GUCY1A2: variants seen among roughly 807,000 people sequenced by gnomAD.
GUCY1A2 encodes guanylate cyclase 1 soluble subunit alpha 2.
Under a neutral mutation model 63.5 loss-of-function variants are expected in GUCY1A2, and 27 were observed. That is an observed-to-expected ratio of 0.43 (90% CI 0.31 to 0.59). The LOEUF (loss-of-function observed/expected upper bound fraction) is 0.59, where lower values mean the gene tolerates loss of function less well. Among genes scored for constraint, GUCY1A2 ranks in the 20% least tolerant of loss-of-function variants. The pLI is 0.11. For synonymous variants in GUCY1A2, 364 were observed against 343.5 expected, an observed-to-expected ratio of 1.06 and a Z score of -0.66; for missense variants, 768 against 913.3, an observed-to-expected ratio of 0.84 and a Z score of 2.05.
chr11:107,011,705 T>C (rs1861748694), intron 1 of GUCY1A2, among the ~76,000 whole-genome samples: 1 of 148,460 alleles, frequency 6.7e-6, no homozygotes, highest in African/African-American at 2.5e-5. Flanking sequence ...TCATTTCTCA[T>C]TGACAAAATG....
intron 6 of GUCY1A2, among the ~76,000 whole-genome samples, chr11:106,756,114 T>C (rs980071563): frequency 2.0e-5 from 3 of 152,194 alleles, no homozygotes; most frequent in Admixed American, 2.0e-4. Context: ...GCCTTCTTTG[T>C]CTCTTTTGAT....
chr11:106,734,278 TGAGA>T (rs1863552502), intron 6 of GUCY1A2, among the ~76,000 whole-genome samples: 1 of 152,034 alleles, frequency 6.6e-6, no homozygotes, highest in Non-Finnish European at 1.5e-5. Flanking sequence ...TCTCTCTACT[TGAGA>T]GAGAACAGAA....
intron 7 of GUCY1A2, among the ~76,000 whole-genome samples, chr11:106,693,002 T>C (rs2135337158): frequency 6.6e-6 from 1 of 152,294 alleles, no homozygotes; most frequent in Admixed American, 6.5e-5. Flanking sequence ...ATCTTTTGTT[T>C]GTTTCAACAA....
At chr11:106,918,681 T>A (rs1860400652) in intron 4 of GUCY1A2, among the ~76,000 whole-genome samples, 1 of 145,658 alleles carries the variant, frequency 6.9e-6, no homozygotes, top group Non-Finnish European at 1.5e-5. Flanking sequence ...TTAGATCACT[T>A]ACCCAGGCAA....
intron 5 of GUCY1A2, among the ~76,000 whole-genome samples, chr11:106,789,066 C>T (rs1253005011): frequency 6.6e-6 from 1 of 151,998 alleles, no homozygotes; most frequent in Non-Finnish European, 1.5e-5. Context: ...GTGTCTTCTT[C>T]AAAACATGAA....
At chr11:106,822,412 A>G (rs1029005978) in intron 4 of GUCY1A2, among the ~76,000 whole-genome samples, 1 of 152,090 alleles carries the variant, frequency 6.6e-6, no homozygotes, top group Non-Finnish European at 1.5e-5. Context: ...GGTTTGTTAC[A>G]TGGGTAAATT....
chr11:106,959,615 G>C (rs992801219), intron 3 of GUCY1A2, among the ~76,000 whole-genome samples: 1 of 152,210 alleles, frequency 6.6e-6, no homozygotes, highest in African/African-American at 2.4e-5. Context: ...CTCCGCAAGG[G>C]AAGCTGCTTT....
intron 6 of GUCY1A2, among the ~76,000 whole-genome samples, chr11:106,759,519 AT>A (rs1864028865): frequency 6.6e-6 from 1 of 152,238 alleles, no homozygotes; most frequent in African/African-American, 2.4e-5. Context: ...GTATCTCAGA[AT>A]TTAACATTAA....
intron 6 of GUCY1A2, among the ~76,000 whole-genome samples, chr11:106,771,644 C>A (rs1864258038): frequency 6.6e-6 from 1 of 151,818 alleles, no homozygotes; most frequent in South Asian, 2.1e-4. Context: ...CCCAGCTACT[C>A]CAGAGACTGA....
intron 5 of GUCY1A2, among the ~76,000 whole-genome samples, chr11:106,796,045 C>T (rs1304475000): frequency 9.3e-5 from 14 of 151,312 alleles, no homozygotes; most frequent in Admixed American, 2.6e-4. Context: ...TTGAATTGAT[C>T]CCTTTACCAT....
intron 6 of GUCY1A2, among the ~76,000 whole-genome samples, chr11:106,758,575 T>C (rs1369126998): frequency 6.6e-6 from 1 of 152,222 alleles, no homozygotes; most frequent in African/African-American, 2.4e-5. Context: ...ATCATCCATC[T>C]TCTGCATTGA....
At position 106,680,485 on chromosome 11, in the gene GUCY1A2, A is replaced by G. The variant is rs957119530; in HGVS notation, c.*7064T>C. On this transcript the variant is annotated 3_prime_UTR_variant, in exon 8 of 8. Coordinates refer to ENST00000526355, the MANE Select transcript of GUCY1A2 (RefSeq NM_000855.3). ...GGTTTTTCTTTTCTGCTTTTAAATAATAAGCAACAATACTTAAGTCTAATA... is the reference window on the plus strand; with the variant it reads ...GGTTTTTCTTTTCTGCTTTTAAATAGTAAGCAACAATACTTAAGTCTAATA... The G allele has an allele frequency of 2.5e-5, 5 of 201,926 alleles. No individual in the cohort carries two copies. Among genetic ancestry groups the G allele is most frequent in the African/African-American group, 1.1e-4 (5 of 43,598 alleles). 12.5% of individuals were successfully genotyped at this position (201,926 alleles called of 1,614,324 possible). A position where few individuals can be genotyped will look rare whatever the true frequency, so the allele number is the denominator to read the frequency against.
intron 6 of GUCY1A2, among the ~76,000 whole-genome samples, chr11:106,716,083 G>GT (rs1488014882): frequency 2.1e-4 from 32 of 152,270 alleles, no homozygotes; most frequent in South Asian, 1.2e-3. Context: ...GAACATCCAG[G>GT]TAAAGTGAAA....
Position 106,902,800 on chromosome 11 carries a change from GATTAT to G in GUCY1A2, c.1206+36655_1206+36659del, listed in dbSNP as rs1380051483. On this transcript the variant is annotated intron_variant, in intron 4 of 7. Coordinates refer to ENST00000526355, the MANE Select transcript of GUCY1A2 (RefSeq NM_000855.3). ...AATACAACTATTTCCGTAGCATTTA[GATTAT>G]ATTAGATATTATAAATAATCTAGAA... Among the ~76,000 whole-genome samples the G allele has an allele frequency of 2.0e-5, 3 of 152,098 alleles. No homozygotes were observed. In the South Asian group the frequency reaches 6.2e-4, roughly 31 times the overall value.
chr11:106,731,821 C>T (rs183798267), intron 6 of GUCY1A2, among the ~76,000 whole-genome samples: 18 of 152,166 alleles, frequency 1.2e-4, no homozygotes, highest in African/African-American at 4.3e-4. Flanking sequence ...AAACTACCTA[C>T]TTAGGAATAC....
intron 7 of GUCY1A2, among the ~76,000 whole-genome samples, chr11:106,706,552 T>G (rs1436830546): frequency 6.6e-6 from 1 of 151,890 alleles, no homozygotes; most frequent in African/African-American, 2.4e-5. Context: ...AGAGTTTTTT[T>G]TTTTTTTAAT....
At chr11:106,741,851 T>G (rs1280754700) in intron 6 of GUCY1A2, among the ~76,000 whole-genome samples, 2 of 152,222 alleles carry the variant, frequency 1.3e-5, no homozygotes, top group African/African-American at 4.8e-5. Flanking sequence ...TCAAGTGCAC[T>G]GAATCCTTTT....
intron 1 of GUCY1A2, among the ~76,000 whole-genome samples, chr11:107,014,325 G>C (rs550509992): frequency 6.6e-6 from 1 of 151,992 alleles, no homozygotes. Flanking sequence ...TTGACCTAGT[G>C]ATCTGCCTGC....
chr11:106,683,211 G>A lies in GUCY1A2; in HGVS notation c.*4338C>T. 4.6e-6 allele frequency: 1 copy of A among 215,070 alleles called. No individual in the cohort carries two copies. 13.3% of individuals were successfully genotyped at this position (215,070 alleles called of 1,614,324 possible). ...TATCTATTATTAAGCTATGATTATA[G>A]AAGCCTCTGAAATGACATAATTTTT... On this transcript the variant is annotated 3_prime_UTR_variant, in exon 8 of 8. Coordinates refer to ENST00000526355, the MANE Select transcript of GUCY1A2 (RefSeq NM_000855.3).
Sources: gnomAD v4.1 joint callset for allele counts (sites outside exome capture counted in the v4.1 genomes callset) on GRCh38, gnomAD v4.1.1 for gene constraint, MANE v1.5 for transcripts, NCBI Gene and HGNC (gene_info 2026-07-23, HGNC 2026-07-21) for gene names.